Variants in BCL11B observed in about 807,000 individuals in gnomAD.
BCL11B encodes BCL11 transcription factor B, also known as B-cell lymphoma/leukemia 11B.
A neutral mutation model predicts 49.9 loss-of-function variants in BCL11B; 8 were observed. The ratio of observed to expected loss-of-function variants is 0.16; its 90% CI spans 0.09 to 0.29. The LOEUF is 0.29. Ranked by LOEUF, BCL11B falls within the 10% of genes least tolerant of loss-of-function variation. BCL11B has a pLI of 1.00. For synonymous variants in BCL11B, 739 were observed against 637.4 expected (o/e 1.16, Z -2.40); for missense variants, 1,006 against 1,351.0 (o/e 0.74, Z 4.00).
At position 99,172,163 on chromosome 14, in the gene BCL11B, C is replaced by T. The variant is rs1209819529; in HGVS notation, c.*1988G>A. On this transcript the variant is annotated 3_prime_UTR_variant, in exon 4 of 4. Transcript: ENST00000357195. ...AAATTTAACTTTAGAAAAAATTAGC[C>T]GTTGTTCCTGAATTGTTTTTGTTTT... 2 of 221,698 alleles carry T rather than the reference C, an allele frequency of 9.0e-6. No individual in the cohort carries two copies. Among genetic ancestry groups the T allele is most frequent in the East Asian group, 1.3e-4 (2 of 15,196 alleles). 13.7% of individuals were successfully genotyped at this position (221,698 alleles called of 1,614,324 possible).
chr14:99,216,559 G>A (rs1029838451), intron 3 of BCL11B, among the ~76,000 whole-genome samples: 1 of 152,110 alleles, frequency 6.6e-6, no homozygotes, highest in Non-Finnish European at 1.5e-5. Context: ...TGGGGGCGGG[G>A]GCTCAGTCTC....
intron 2 of BCL11B, among the ~76,000 whole-genome samples, chr14:99,253,056 G>A (rs182960506): frequency 6.6e-5 from 10 of 152,342 alleles, no homozygotes; most frequent in East Asian, 3.9e-4. Flanking sequence ...AGGCCCAACC[G>A]GTGCCAGGTG....
intron 1 of BCL11B, among the ~76,000 whole-genome samples, chr14:99,265,907 G>A (rs1012126970): frequency 1.3e-5 from 2 of 152,174 alleles, no homozygotes; most frequent in African/African-American, 2.4e-5. Flanking sequence ...ATAAGACTCA[G>A]GGTGCAGTCT....
Position 99,192,917 on chromosome 14 carries a change from G to GTGAA in BCL11B, c.641-16726_641-16723dup, listed in dbSNP as rs1040429310. Among the ~76,000 whole-genome samples the GTGAA allele has an allele frequency of 1.3e-5, 2 of 151,234 alleles. No homozygotes were observed. Among genetic ancestry groups the GTGAA allele is most frequent in the African/African-American group, 4.9e-5 (2 of 41,116 alleles). On this transcript the variant is annotated intron_variant, in intron 3 of 3. Coordinates refer to ENST00000357195, the MANE Select transcript of BCL11B (RefSeq NM_138576.4). This position sits in a 1 kb window ranked among gnomAD's most constrained non-coding sequence, Gnocchi z 4.0. ...AATGAGTGAATGAATGGATAAAAGAGTGAATGAATGAATGAGTAAATTAGT... is the reference window on the plus strand; with the variant it reads ...AATGAGTGAATGAATGGATAAAAGAGTGAATGAATGAATGAATGAGTAAATTAGT...
At chr14:99,182,536 A>C (rs1886737269) in intron 3 of BCL11B, among the ~76,000 whole-genome samples, 1 of 152,174 alleles carries the variant, frequency 6.6e-6, no homozygotes, top group Admixed American at 6.5e-5. Context: ...AATTGCAGTA[A>C]CTCCATGAAA....
chr14:99,271,107 C>T, intron 1 of BCL11B, 54 bp downstream of exon 1: 1 of 1,487,264 alleles, frequency 6.7e-7, no homozygotes, highest in Non-Finnish European at 8.9e-7. Context: ...TCCCCAGCCC[C>T]AGACGCCCGG....
At chr14:99,197,809 T>C (rs1887221272) in intron 3 of BCL11B, among the ~76,000 whole-genome samples, 1 of 152,074 alleles carries the variant, frequency 6.6e-6, no homozygotes. Context: ...GAGGGAGACA[T>C]CCTCACCAAG....
rs1214951732 is a variant in BCL11B at position 99,271,493 on chromosome 14, G to A, written c.-275C>T. On this transcript the variant is annotated 5_prime_UTR_variant, in exon 1 of 4. Coordinates refer to ENST00000357195, the MANE Select transcript of BCL11B (RefSeq NM_138576.4). The stretch of plus-strand genomic sequence containing the variant: ...GGAAGAAAAGCAAGAAAAACCTCTC[G>A]ATCTAAAATAAGAAAAAGAGGCAAA... 10 of 201,708 alleles carry A rather than the reference G, an allele frequency of 5.0e-5. No individual in the cohort carries two copies. The highest frequency in any genetic ancestry group is 9.9e-5 in the Non-Finnish European group (10 of 101,388). The allele number at this position is 201,708 out of a possible 1,614,324, so 12.5% of individuals were successfully genotyped here. A position where few individuals can be genotyped will look rare whatever the true frequency, so the allele number is the denominator to read the frequency against.
At chr14:99,246,486 G>A (rs1888843256) in intron 2 of BCL11B, among the ~76,000 whole-genome samples, 1 of 152,246 alleles carries the variant, frequency 6.6e-6, no homozygotes, top group Admixed American at 6.5e-5. Context: ...ACAGTGCCGA[G>A]GAGCCTCCCG....
intron 2 of BCL11B, among the ~76,000 whole-genome samples, chr14:99,243,374 G>A (rs574070872): frequency 1.3e-5 from 2 of 152,214 alleles, no homozygotes; most frequent in Non-Finnish European, 2.9e-5. Flanking sequence ...GAGGCTATTT[G>A]ATTCCTTTCC....
chr14:99,249,956 C>T (rs1888956911), intron 2 of BCL11B, among the ~76,000 whole-genome samples: 2 of 151,920 alleles, frequency 1.3e-5, no homozygotes, highest in Non-Finnish European at 1.5e-5. Flanking sequence ...GGCAAAACCC[C>T]ATCTCACTAA....
At chr14:99,221,120 T>A (rs1056120729) in intron 3 of BCL11B, among the ~76,000 whole-genome samples, 1 of 152,174 alleles carries the variant, frequency 6.6e-6, no homozygotes, top group Admixed American at 6.5e-5. Flanking sequence ...CCTCCCAAAG[T>A]GCTGGGATTA....
intron 3 of BCL11B, among the ~76,000 whole-genome samples, chr14:99,187,837 C>T (rs1886901220): frequency 6.6e-6 from 1 of 152,034 alleles, no homozygotes; most frequent in South Asian, 2.1e-4. Context: ...AGACTTCCTT[C>T]ACCAGGCAAG....
At position 99,244,292 on chromosome 14, in the gene BCL11B, AC is replaced by A. The variant is rs200715986; in HGVS notation, c.428-12736del. Among the ~76,000 whole-genome samples, 369 of 148,004 alleles carry A rather than the reference AC, an allele frequency of 2.5e-3. 1 individual carries two copies. Among genetic ancestry groups the A allele is most frequent in the African/African-American group, 8.1e-3 (326 of 40,140 alleles). ...TCTTTCAAGCAAAACATGAACAATT[AC>A]CCCCCCCTCACACACACACACACCC... On this transcript the variant is annotated intron_variant, in intron 2 of 3. Transcript: ENST00000357195.
intron 3 of BCL11B, among the ~76,000 whole-genome samples, chr14:99,229,119 A>ATGGATGG (rs373786262): frequency 3.6e-5 from 5 of 137,920 alleles, no homozygotes; most frequent in African/African-American, 1.1e-4. Flanking sequence ...TACAGGGATG[A>ATGGATGG]ATGGATGGAT....
intron 3 of BCL11B, among the ~76,000 whole-genome samples, chr14:99,185,628 G>A (rs1327123184): frequency 3.9e-5 from 6 of 152,030 alleles, no homozygotes; most frequent in Non-Finnish European, 8.8e-5. Flanking sequence ...GAGGCAGGTC[G>A]GGGGAAATGG....
At chr14:99,229,987 G>A (rs944005311) in intron 3 of BCL11B, among the ~76,000 whole-genome samples, 3 of 152,218 alleles carry the variant, frequency 2.0e-5, no homozygotes, top group East Asian at 1.9e-4. Flanking sequence ...AAGTGGTTCC[G>A]ACTCCTTCCC....
Position 99,237,226 on chromosome 14 carries a change from C to CT in BCL11B, c.428-5670dup, listed in dbSNP as rs1286020207. The stretch of plus-strand genomic sequence containing the variant: ...TCACTCCACAGGTATTATTTCATTT[C>CT]TTTTTTTTTCTTTTTTTTTTTTTTT... On this transcript the variant is annotated intron_variant, in intron 2 of 3. Coordinates refer to ENST00000357195, the MANE Select transcript of BCL11B (RefSeq NM_138576.4). Among the ~76,000 whole-genome samples the CT allele has an allele frequency of 7.1e-3, 989 of 139,612 alleles. 9 individuals carry two copies. The highest frequency in any genetic ancestry group is 0.018 in the Middle Eastern group (5 of 278). 91.6% of individuals were successfully genotyped at this position (139,612 alleles called of 152,430 possible).
rs1451846551 is a variant in BCL11B, at chr14:99,248,212, A to C, written c.427+9259T>G. Among the ~76,000 whole-genome samples, 2 of 151,936 alleles carry C rather than the reference A, an allele frequency of 1.3e-5. No individual in the cohort carries two copies. Among genetic ancestry groups the C allele is most frequent in the African/African-American group, 4.8e-5 (2 of 41,346 alleles). Reference sequence around the variant, plus strand: ...CCTCAGCACAGACTCCTCCTTTCTGAGACACCCCAGGGCCCTCCAGACCAA... The same window carrying C: ...CCTCAGCACAGACTCCTCCTTTCTGCGACACCCCAGGGCCCTCCAGACCAA... On this transcript the variant is annotated intron_variant, in intron 2 of 3. Coordinates refer to ENST00000357195, the MANE Select transcript of BCL11B (RefSeq NM_138576.4). This position sits in a 1 kb window ranked among gnomAD's most constrained non-coding sequence, Gnocchi z 4.7.
Sources: allele counts gnomAD v4.1 joint callset (sites outside exome capture counted in the v4.1 genomes callset), GRCh38; gene constraint gnomAD v4.1.1; non-coding constraint Gnocchi (gnomAD v3.1); transcripts MANE v1.5; gene names NCBI Gene and HGNC (gene_info 2026-07-23, HGNC 2026-07-21).